CBR4: variants seen among roughly 807,000 people sequenced by gnomAD.
CBR4 encodes the protein 3-oxoacyl-[acyl-carrier-protein] reductase.
A neutral mutation model predicts 21.0 loss-of-function variants in CBR4; 22 were observed. The observed-to-expected ratio is 1.05, with a 90% CI of 0.75 to 1.50. The LOEUF is 1.50. Among genes scored for constraint, CBR4 ranks in the 40% most tolerant of loss-of-function variants. The probability of loss-of-function intolerance (pLI) is 0.00; values close to 1 mark genes in which losing one functional copy is unlikely to be tolerated. For synonymous variants in CBR4, 100 were observed against 104.4 expected (o/e 0.96, Z 0.26); for missense variants, 302 against 286.3 (o/e 1.05, Z -0.40).
intron 2 of CBR4, among the ~76,000 whole-genome samples, chr4:168,945,657 G>A (rs935911032): frequency 6.6e-6 from 1 of 151,944 alleles, no homozygotes; most frequent in Admixed American, 6.6e-5. Flanking sequence ...CCTCTCTAAG[G>A]ACATGCATTT....
chr4:168,924,141 TA>T, intron 2 of CBR4: 2 of 894,756 alleles, frequency 2.2e-6, no homozygotes, highest in Non-Finnish European at 3.6e-6. Context: ...CCACCTGGAG[TA>T]AAAAATGGTA....
downstream of CBR4, among the ~76,000 whole-genome samples, chr4:168,986,954 TTTAA>T (rs1764712750): frequency 6.6e-6 from 1 of 152,098 alleles, no homozygotes; most frequent in African/African-American, 2.4e-5. Context: ...AATAAATTAA[TTTAA>T]TTAAATAAAT....
At chr4:168,987,381 T>A (rs1036939658), downstream of CBR4, among the ~76,000 whole-genome samples, 7 of 152,198 alleles carry the variant, frequency 4.6e-5, no homozygotes, top group Non-Finnish European at 8.8e-5. Context: ...ATATATCCAA[T>A]ATACTCAGAG....
At position 168,988,772 on chromosome 4, in the gene CBR4, T is replaced by C; in HGVS notation, c.*1378A>G. On this transcript the variant is annotated 3_prime_UTR_variant, in exon 5 of 5. Coordinates refer to ENST00000306193, the MANE Select transcript of CBR4 (RefSeq NM_032783.5). The stretch of plus-strand genomic sequence containing the variant: ...TAAGAAAACTATTTCAAAGATAAAT[T>C]TAAAATAATTTTTAAGGAACCCAGA... The C allele has an allele frequency of 1.0e-6, 1 of 961,222 alleles. No homozygotes were observed. The highest frequency in any genetic ancestry group is 4.8e-5 in the South Asian group (1 of 20,830). 59.5% of individuals were successfully genotyped at this position (961,222 alleles called of 1,614,324 possible).
At position 168,945,257 on chromosome 4, in the gene CBR4, C is replaced by A. The variant is rs142096741; in HGVS notation, n.170-50492G>T. Among the ~76,000 whole-genome samples the A allele has an allele frequency of 2.4e-4, 37 of 152,296 alleles. No homozygotes were observed. The East Asian group carries it at 6.4e-3, about 26-fold the overall frequency. On this transcript the variant is annotated intron_variant and non_coding_transcript_variant, in intron 2 of 3. Coordinates refer to the CBR4 transcript ENST00000509108. ...TCTAATACACACCAAAGCTTAAGAA[C>A]CACTGTCTTAGGAGGATCAGGTATC...
At chr4:168,922,100 T>TACACACAC (rs1257662371) in intron 2 of CBR4, among the ~76,000 whole-genome samples, 2 of 96,646 alleles carry the variant, frequency 2.1e-5, no homozygotes, top group Admixed American at 1.2e-4. Flanking sequence ...TATATATATA[T>TACACACAC]ATACACACAC....
chr4:168,918,325 G>GAGATAT (rs1553981956), intron 2 of CBR4, among the ~76,000 whole-genome samples: 148 of 149,558 alleles, frequency 9.9e-4, no homozygotes, highest in African/African-American at 2.7e-3. Context: ...GAAAATATGA[G>GAGATAT]ATATATATAT....
At chr4:168,915,759 G>A (rs1759958942) in intron 2 of CBR4, 3 of 672,310 alleles carry the variant, frequency 4.5e-6, no homozygotes, top group Non-Finnish European at 5.1e-6. Context: ...ATTTTTTAAT[G>A]TGTAAATCTT....
chr4:169,006,952 G>A, intron 2 of CBR4, 61 bp from the exon 3 acceptor site: 1 of 1,351,436 alleles, frequency 7.4e-7, no homozygotes, highest in Non-Finnish European at 1.0e-6. Context: ...AAAAGGTCAA[G>A]ACTAATGTAA....
chr4:168,924,889 G>A, intron 2 of CBR4: 1 of 1,591,056 alleles, frequency 6.3e-7, no homozygotes, highest in Non-Finnish European at 8.6e-7. Context: ...GATGCTTCAT[G>A]TCCAAAGCCA....
chr4:168,967,902 G>A (rs1764090292), intron 2 of CBR4, among the ~76,000 whole-genome samples: 1 of 152,136 alleles, frequency 6.6e-6, no homozygotes, highest in Admixed American at 6.5e-5. Flanking sequence ...ATGAGTATGG[G>A]AGGAAACATG....
intron 2 of CBR4, among the ~76,000 whole-genome samples, chr4:168,946,845 G>A (rs1763407770): frequency 6.6e-6 from 1 of 152,056 alleles, no homozygotes; most frequent in Non-Finnish European, 1.5e-5. Context: ...AACTGACATT[G>A]GGGTTCCAGC....
chr4:168,922,128 CA>C (rs1761700623), intron 2 of CBR4, among the ~76,000 whole-genome samples: 2 of 150,490 alleles, frequency 1.3e-5, no homozygotes, highest in Middle Eastern at 3.5e-3. Context: ...CACACACACA[CA>C]CACACACACA....
intron 2 of CBR4, among the ~76,000 whole-genome samples, chr4:168,959,917 C>G (rs1046356529): frequency 2.0e-5 from 3 of 150,486 alleles, no homozygotes; most frequent in Non-Finnish European, 4.4e-5. Context: ...TTGAATAGTA[C>G]TGAATTTATA....
chr4:168,936,719 A>C (rs1441339374), intron 2 of CBR4, among the ~76,000 whole-genome samples: 2 of 152,170 alleles, frequency 1.3e-5, no homozygotes, highest in African/African-American at 4.8e-5. Context: ...ATAAAGCATG[A>C]AGACAAGATT....
rs541672821 is a variant in CBR4 at position 168,988,665 on chromosome 4, G to A, written c.*1485C>T. 9.2e-6 allele frequency: 9 copies of A among 982,844 alleles called. No individual in the cohort carries two copies. In the South Asian group the frequency reaches 2.8e-4, roughly 31 times the overall value. 60.9% of individuals were successfully genotyped at this position (982,844 alleles called of 1,614,324 possible). A position where few individuals can be genotyped will look rare whatever the true frequency, so the allele number is the denominator to read the frequency against. On this transcript the variant is annotated 3_prime_UTR_variant, in exon 5 of 5. Coordinates refer to ENST00000306193, the MANE Select transcript of CBR4 (RefSeq NM_032783.5). ...CCTGATAAATTCTGTATATTACCAC[G>A]TCTTGCATTTAATAGACAATTTGTT...
intron 2 of CBR4, among the ~76,000 whole-genome samples, chr4:168,969,438 A>G (rs143242962): frequency 1.5e-4 from 23 of 152,316 alleles, no homozygotes; most frequent in African/African-American, 5.1e-4. Flanking sequence ...AACTAAGGTT[A>G]TACACTTCAA....
intron 2 of CBR4, among the ~76,000 whole-genome samples, chr4:168,976,867 C>T (rs766638545): frequency 7.2e-5 from 11 of 152,204 alleles, no homozygotes; most frequent in Non-Finnish European, 1.3e-4. Flanking sequence ...TTTTGTGGAT[C>T]TTCACTTGCT....
At chr4:168,962,159 T>A (rs748558842) in intron 2 of CBR4, among the ~76,000 whole-genome samples, 7 of 152,226 alleles carry the variant, frequency 4.6e-5, no homozygotes, top group Non-Finnish European at 1.0e-4. Flanking sequence ...TTACTATGTA[T>A]TTCAAATAAA....
Sources: gnomAD v4.1 joint callset for allele counts (sites outside exome capture counted in the v4.1 genomes callset) on GRCh38, gnomAD v4.1.1 for gene constraint, MANE v1.5 for transcripts, NCBI Gene and HGNC (gene_info 2026-07-23, HGNC 2026-07-21) for gene names.